TCERG1L: variants seen among roughly 807,000 people sequenced by gnomAD.
TCERG1L encodes transcription elongation regulator 1-like protein.
Under a neutral mutation model 56.3 loss-of-function variants are expected in TCERG1L, and 37 were observed. That is an observed-to-expected ratio of 0.66 (90% CI 0.51 to 0.87). TCERG1L has a LOEUF of 0.87. Ranked by LOEUF, TCERG1L falls within the 40% of genes least tolerant of loss-of-function variation. TCERG1L has a pLI of 0.00. For synonymous variants in TCERG1L, 324 were observed against 326.3 expected, an observed-to-expected ratio of 0.99 and a Z score of 0.08; for missense variants, 799 against 774.2, an observed-to-expected ratio of 1.03 and a Z score of -0.38.
chr10:131,255,887 C>T (rs1319050380), intron 4 of TCERG1L, among the ~76,000 whole-genome samples: 3 of 152,142 alleles, frequency 2.0e-5, no homozygotes. Context: ...GTAATAATGC[C>T]AGCTCAGATA....
chr10:131,203,465 C>G (rs1273732553), intron 4 of TCERG1L, among the ~76,000 whole-genome samples: 1 of 152,220 alleles, frequency 6.6e-6, no homozygotes, highest in Non-Finnish European at 1.5e-5. Context: ...AACATCCAAG[C>G]TGGCCCCAAT....
intron 8 of TCERG1L, among the ~76,000 whole-genome samples, chr10:131,127,175 T>C (rs920739145): frequency 3.3e-5 from 5 of 152,100 alleles, no homozygotes; most frequent in Non-Finnish European, 5.9e-5. Flanking sequence ...AGTGTTTTTA[T>C]CTCCCCAGAG....
At chr10:131,291,790 A>G (rs574226427) in intron 3 of TCERG1L, among the ~76,000 whole-genome samples, 158 of 152,180 alleles carry the variant, frequency 1.0e-3, no homozygotes, top group African/African-American at 3.6e-3. Flanking sequence ...GTAAAAAAAA[A>G]AAATTACTTC....
At position 131,134,294 on chromosome 10, in the gene TCERG1L, T is replaced by C. The variant is rs1008355471; in HGVS notation, c.1259+85A>G. On this transcript the variant is annotated intron_variant, in intron 8 of 11. Transcript: ENST00000368642. The stretch of plus-strand genomic sequence containing the variant: ...GAATTAGCTCTTTGCTCATAGTCAA[T>C]GTGGTCAAAATGATGCCTTTTCTTT... 1.2e-5 allele frequency: 14 copies of C among 1,217,098 alleles called. No homozygotes were observed. The African/African-American group carries it at 2.0e-4, about 17-fold the overall frequency. 75.4% of individuals were successfully genotyped at this position (1,217,098 alleles called of 1,614,324 possible). A position where few individuals can be genotyped will look rare whatever the true frequency, so the allele number is the denominator to read the frequency against.
At chr10:131,232,314 A>G (rs1845861070) in intron 4 of TCERG1L, among the ~76,000 whole-genome samples, 1 of 152,210 alleles carries the variant, frequency 6.6e-6, no homozygotes, top group Admixed American at 6.5e-5. Context: ...AGCTGGGAGG[A>G]GCCCAGCAGG....
chr10:131,268,231 G>A (rs1239890929), intron 3 of TCERG1L, among the ~76,000 whole-genome samples: 1 of 152,168 alleles, frequency 6.6e-6, no homozygotes, highest in Admixed American at 6.5e-5. Flanking sequence ...CACTCTAGAT[G>A]GACTGCTGCT....
chr10:131,176,145 C>T (rs554142327), intron 4 of TCERG1L, among the ~76,000 whole-genome samples: 117 of 152,336 alleles, frequency 7.7e-4, no homozygotes, highest in African/African-American at 2.6e-3. Flanking sequence ...AAAGTCACAG[C>T]TGGGCTCAAG....
chr10:131,138,877 GACAA>G (rs1169673241), intron 7 of TCERG1L, among the ~76,000 whole-genome samples: 1 of 152,098 alleles, frequency 6.6e-6, no homozygotes, highest in African/African-American at 2.4e-5. Flanking sequence ...AAAAATCAAG[GACAA>G]CTTGTTCTAT....
At chr10:131,178,771 C>T (rs752005058) in intron 4 of TCERG1L, among the ~76,000 whole-genome samples, 2 of 152,176 alleles carry the variant, frequency 1.3e-5, no homozygotes, top group Non-Finnish European at 1.5e-5. Flanking sequence ...CCGTTCTATG[C>T]GCTCCAGGAT....
intron 3 of TCERG1L, among the ~76,000 whole-genome samples, chr10:131,294,997 C>G (rs1846674815): frequency 6.6e-6 from 1 of 151,946 alleles, no homozygotes; most frequent in East Asian, 1.9e-4. Context: ...CCTTGTCCCA[C>G]CCCCACCTCC....
intron 3 of TCERG1L, among the ~76,000 whole-genome samples, chr10:131,304,519 C>T (rs1846799267): frequency 6.6e-6 from 1 of 151,886 alleles, no homozygotes; most frequent in Non-Finnish European, 1.5e-5. Flanking sequence ...GATGCACAGG[C>T]ACTGCTGAGG....
At chr10:131,173,157 C>G (rs537139840) in intron 4 of TCERG1L, among the ~76,000 whole-genome samples, 4 of 152,126 alleles carry the variant, frequency 2.6e-5, no homozygotes, top group South Asian at 2.1e-4. Flanking sequence ...TCCCAAAGTG[C>G]TGGGATTACA....
Position 131,257,257 on chromosome 10 carries a change from C to G in TCERG1L, c.856+3002G>C, listed in dbSNP as rs1234832288. On this transcript the variant is annotated intron_variant, in intron 4 of 11. Transcript: ENST00000368642. The stretch of plus-strand genomic sequence containing the variant: ...GGGGCCAGCCTGATAAACAGATCCC[C>G]GTGAAGCAGAGGCCAACGGACACAA... Among the ~76,000 whole-genome samples the G allele has an allele frequency of 2.0e-5, 3 of 152,022 alleles. No individual in the cohort carries two copies. In the South Asian group the frequency reaches 6.2e-4, roughly 32 times the overall value.
intron 4 of TCERG1L, among the ~76,000 whole-genome samples, chr10:131,173,466 G>A (rs769926106): frequency 1.7e-4 from 26 of 152,200 alleles, no homozygotes; most frequent in Non-Finnish European, 2.9e-4. Context: ...GTCAGGGCCC[G>A]TTGTATATGG....
intron 4 of TCERG1L, among the ~76,000 whole-genome samples, chr10:131,259,296 G>C (rs1447625185): frequency 6.6e-6 from 1 of 152,154 alleles, no homozygotes; most frequent in African/African-American, 2.4e-5. Context: ...TCACAGTCTA[G>C]TGATACATTT....
At chr10:131,246,963 G>A (rs113955066) in intron 4 of TCERG1L, among the ~76,000 whole-genome samples, 1,968 of 151,542 alleles carry the variant, frequency 0.013, 31 homozygotes, top group Middle Eastern at 0.021. Flanking sequence ...GGTGGGGTGA[G>A]ATGTGTAGGG....
intron 8 of TCERG1L, among the ~76,000 whole-genome samples, chr10:131,123,754 G>A (rs773082380): frequency 6.6e-6 from 1 of 152,142 alleles, no homozygotes; most frequent in African/African-American, 2.4e-5. Context: ...GTAGCACCCG[G>A]GGAGCCAGGG....
intron 9 of TCERG1L, among the ~76,000 whole-genome samples, chr10:131,111,661 G>A (rs1038846863): frequency 2.8e-5 from 4 of 142,776 alleles, no homozygotes; most frequent in Admixed American, 1.4e-4. Flanking sequence ...CGATTTCCTC[G>A]CACAGCCTGA....
At chr10:131,154,524 G>A (rs1393508924) in intron 6 of TCERG1L, among the ~76,000 whole-genome samples, 4 of 152,194 alleles carry the variant, frequency 2.6e-5, no homozygotes, top group South Asian at 4.1e-4. Flanking sequence ...TGAAAGGGCC[G>A]CACCCAATGC....
Sources: allele counts gnomAD v4.1 joint callset (sites outside exome capture counted in the v4.1 genomes callset), GRCh38; gene constraint gnomAD v4.1.1; transcripts MANE v1.5; gene names NCBI Gene and HGNC (gene_info 2026-07-23, HGNC 2026-07-21).